Variants in MLLT3 observed in about 807,000 individuals in gnomAD.
MLLT3 encodes the protein protein AF-9.
Under a neutral mutation model 53.2 loss-of-function variants are expected in MLLT3, and 4 were observed. The ratio of observed to expected loss-of-function variants is 0.08; its 90% CI spans 0.04 to 0.17. The LOEUF is 0.17. Ranked by LOEUF, MLLT3 falls within the 10% of genes least tolerant of loss-of-function variation. The pLI, the probability that MLLT3 is intolerant of heterozygous loss-of-function variation, is 1.00. For missense variants in MLLT3, 569 were observed against 684.0 expected (o/e 0.83, Z 1.87); for synonymous variants, 283 against 230.6 (o/e 1.23, Z -2.06).
rs544408423 is a variant in MLLT3, at chr9:20,376,418, C to A, written c.1126-10674G>T. Among the ~76,000 whole-genome samples, 3 of 152,252 alleles carry A rather than the reference C, an allele frequency of 2.0e-5. No homozygotes were observed. The South Asian group carries it at 6.2e-4, about 32-fold the overall frequency. On this transcript the variant is annotated intron_variant, in intron 5 of 10. Coordinates refer to ENST00000380338, the MANE Select transcript of MLLT3 (RefSeq NM_004529.4). ...TCTCAACTGTTAGCAAAACAGGAAA[C>A]GTCCTTATTTCTGTTATATTTTCAA... is the stretch of plus-strand genomic sequence containing the variant.
intron 5 of MLLT3, among the ~76,000 whole-genome samples, chr9:20,399,768 A>G (rs991060056): frequency 6.6e-6 from 1 of 152,182 alleles, no homozygotes; most frequent in Non-Finnish European, 1.5e-5. Flanking sequence ...TACTTAAAAT[A>G]TAATTTGAGG....
rs375201429 is a variant in MLLT3 at position 20,417,681 on chromosome 9, C to T, written c.421-3256G>A. ...ACATATATTTGCACTAACTTTACAA[C>T]CTGTGACTATAGGATACAATATTTT... On this transcript the variant is annotated intron_variant, in intron 4 of 10. Transcript: ENST00000380338. 9.2e-5 allele frequency among the ~76,000 whole-genome samples: 14 copies of T among 152,192 alleles called. No individual in the cohort carries two copies. The East Asian group carries it at 2.3e-3, about 25-fold the overall frequency.
rs1180624545 is a variant in MLLT3 at position 20,620,846 on chromosome 9, G to C, written c.13-12C>G. 1.2e-6 allele frequency: 2 copies of C among 1,613,882 alleles called. No homozygotes were observed. Among genetic ancestry groups the C allele is most frequent in the Non-Finnish European group, 1.7e-6 (2 of 1,179,976 alleles). Reference sequence around the variant, plus strand: ...ACCTGCACGGCACACTGCGGGCAGGGGGAGGAGAGACAGCCGTGAATAACA... The same window carrying C: ...ACCTGCACGGCACACTGCGGGCAGGCGGAGGAGAGACAGCCGTGAATAACA... On this transcript the variant is annotated splice_polypyrimidine_tract_variant and intron_variant, in intron 1 of 10. Transcript: ENST00000380338. This position sits in a 1 kb window ranked among gnomAD's most constrained non-coding sequence, Gnocchi z 6.1.
chr9:20,449,644 A>G (rs1406507427), intron 3 of MLLT3, among the ~76,000 whole-genome samples: 1 of 152,184 alleles, frequency 6.6e-6, no homozygotes, highest in African/African-American at 2.4e-5. Flanking sequence ...AACTCTCCGA[A>G]TATAGGAATT....
At chr9:20,586,446 A>G (rs1252262894) in intron 2 of MLLT3, among the ~76,000 whole-genome samples, 2 of 151,986 alleles carry the variant, frequency 1.3e-5, no homozygotes, top group Non-Finnish European at 2.9e-5. Flanking sequence ...CCCAAATCCC[A>G]AAAGTGATAT....
At chr9:20,410,340 AT>A (rs890331176) in intron 5 of MLLT3, among the ~76,000 whole-genome samples, 127 of 152,076 alleles carry the variant, frequency 8.4e-4, no homozygotes, top group African/African-American at 5.5e-4. Flanking sequence ...GCTAACTTAC[AT>A]TTTTTTTATT....
chr9:20,584,202 T>G (rs1355681300), intron 2 of MLLT3, among the ~76,000 whole-genome samples: 1 of 152,194 alleles, frequency 6.6e-6, no homozygotes, highest in Admixed American at 6.5e-5. Context: ...CCTTTGCTCC[T>G]GTTCCCAACA....
chr9:20,550,367 T>C (rs7022055), intron 2 of MLLT3, among the ~76,000 whole-genome samples: 106,661 of 152,128 alleles, frequency 0.7, 37,642 homozygotes, highest in East Asian at 0.86. Context: ...TCTTATTGTA[T>C]GATTCCCTCT....
chr9:20,547,547 G>A (rs533371985), intron 2 of MLLT3, among the ~76,000 whole-genome samples: 1 of 151,822 alleles, frequency 6.6e-6, no homozygotes, highest in South Asian at 2.1e-4. Context: ...GGGAGGCTGA[G>A]GCAAGAGAAT....
In MLLT3 at chr9:20,411,513, C is replaced by T. The variant is rs537851943; in HGVS notation, c.1125+2208G>A. ...GAAAGTACGGCTGTTGGGTTTTATA[C>T]ACAAATAGTACCTGAAAGTCTTTAC... On this transcript the variant is annotated intron_variant, in intron 5 of 10. Coordinates refer to ENST00000380338, the MANE Select transcript of MLLT3 (RefSeq NM_004529.4). Among the ~76,000 whole-genome samples the T allele has an allele frequency of 2.3e-4, 35 of 152,264 alleles. 1 individual carries two copies. In the South Asian group the frequency reaches 6.6e-3, roughly 29 times the overall value.
At chr9:20,510,306 T>C (rs1286171861) in intron 2 of MLLT3, among the ~76,000 whole-genome samples, 1 of 152,160 alleles carries the variant, frequency 6.6e-6, no homozygotes, top group South Asian at 2.1e-4. Flanking sequence ...TTGGCAGAGA[T>C]ACACAAATAA....
intron 2 of MLLT3, among the ~76,000 whole-genome samples, chr9:20,483,858 G>A (rs1306754776): frequency 7.1e-6 from 1 of 141,300 alleles, no homozygotes; most frequent in African/African-American, 2.7e-5. Context: ...CAAGCACCCA[G>A]CACCACGCAA....
intron 2 of MLLT3, among the ~76,000 whole-genome samples, chr9:20,535,808 T>C (rs1256803066): frequency 2.6e-5 from 4 of 152,200 alleles, no homozygotes; most frequent in African/African-American, 9.6e-5. Context: ...CAAAAACTGT[T>C]TGATACCGGC....
At chr9:20,422,216 A>G (rs1037485251) in intron 4 of MLLT3, among the ~76,000 whole-genome samples, 12 of 152,224 alleles carry the variant, frequency 7.9e-5, no homozygotes, top group Admixed American at 7.2e-4. Flanking sequence ...ATTTATACAC[A>G]CTCAAGAAAA....
intron 4 of MLLT3, among the ~76,000 whole-genome samples, chr9:20,423,925 G>T (rs1823079691): frequency 2.0e-5 from 3 of 152,056 alleles, no homozygotes; most frequent in East Asian, 3.9e-4. Flanking sequence ...AACAGAGCAA[G>T]ACCATCTCCA....
intron 6 of MLLT3, 36 bp downstream of exon 6, chr9:20,365,633 G>A: frequency 6.2e-7 from 1 of 1,612,630 alleles, no homozygotes. Flanking sequence ...TGTTTTATGA[G>A]AAAAGCATCT....
chr9:20,580,472 T>A (rs147550061), intron 2 of MLLT3, among the ~76,000 whole-genome samples: 1 of 152,120 alleles, frequency 6.6e-6, no homozygotes, highest in Non-Finnish European at 1.5e-5. Flanking sequence ...GGACTCACCA[T>A]TGGAGAGCCA....
At chr9:20,425,263 C>A (rs1234681836) in intron 4 of MLLT3, among the ~76,000 whole-genome samples, 1 of 152,094 alleles carries the variant, frequency 6.6e-6, no homozygotes, top group Non-Finnish European at 1.5e-5. Context: ...GGGTTAGATT[C>A]TCATGTAAAA....
chr9:20,436,372 T>C (rs1823404004), intron 4 of MLLT3, among the ~76,000 whole-genome samples: 1 of 152,258 alleles, frequency 6.6e-6, no homozygotes, highest in East Asian at 1.9e-4. Flanking sequence ...ATTCTCCACA[T>C]AAATTGTATT....
Sources: gnomAD v4.1 joint callset for allele counts (sites outside exome capture counted in the v4.1 genomes callset) on GRCh38, gnomAD v4.1.1 for gene constraint, Gnocchi (gnomAD v3.1) non-coding constraint, MANE v1.5 for transcripts, NCBI Gene and HGNC (gene_info 2026-07-23, HGNC 2026-07-21) for gene names.